The following SNX6 variants were observed in gnomAD, a reference collection of about 807,000 sequenced individuals.
The protein encoded by SNX6 is sorting nexin-6.
Under a neutral mutation model 63.0 loss-of-function variants are expected in SNX6, and 34 were observed. The observed-to-expected ratio is 0.54, with a 90% CI of 0.41 to 0.72. SNX6 has a LOEUF of 0.72. Ranked by LOEUF, SNX6 falls within the 30% of genes least tolerant of loss-of-function variation. The pLI is 0.00. For missense variants in SNX6, 398 were observed against 471.4 expected (o/e 0.84, Z 1.44); for synonymous variants, 170 against 164.2 (o/e 1.04, Z -0.27).
At chr14:34,605,344 C>G (rs1211604587) in intron 5 of SNX6, 1 of 246,772 alleles carries the variant, frequency 4.1e-6, no homozygotes, top group Admixed American at 5.6e-5. Flanking sequence ...TTGGATCTTC[C>G]ATTTTCAACT....
chr14:34,608,256 C>A (rs1304567188), intron 3 of SNX6, 116 bp from the exon 4 acceptor site: 7 of 534,236 alleles, frequency 1.3e-5, no homozygotes, highest in Non-Finnish European at 2.4e-5. Flanking sequence ...CGGCTCACTG[C>A]AGCCTCAACC....
chr14:34,608,145 A>G lies in SNX6; in HGVS notation c.160-5T>C, dbSNP rs1179475253. On this transcript the variant is annotated splice_region_variant and splice_polypyrimidine_tract_variant and intron_variant, in intron 3 of 13. Transcript: ENST00000362031. The stretch of plus-strand genomic sequence containing the variant: ...TTTAAAATTTGGCAATGAACTCTGT[A>G]AAGATAGAGATTTTCTTGAATAAAA... 6.7e-7 allele frequency: 1 copy of G among 1,502,960 alleles called. No individual in the cohort carries two copies. Among genetic ancestry groups the G allele is most frequent in the Admixed American group, 1.9e-5 (1 of 51,342 alleles). The allele number at this position is 1,502,960 out of a possible 1,614,324, so 93.1% of individuals were successfully genotyped here.
Position 34,586,286 on chromosome 14 carries a change from AT to A in SNX6, c.737del (p.Asn246IlefsTer10), listed in dbSNP as rs1399988759. 1 of 1,607,296 alleles carries A rather than the reference AT, an allele frequency of 6.2e-7. No individual in the cohort carries two copies. Among genetic ancestry groups the A allele is most frequent in the Non-Finnish European group, 8.5e-7 (1 of 1,174,216 alleles). ...RSHKSAADDY[N>X]RIGSSLYALG... ...AAGCATATAATGAAGAACCAATTCT[AT>A]TGTAATCATCTGCAGCACCTATGGA... is the stretch of plus-strand genomic sequence containing the variant. On this transcript the variant is annotated frameshift_variant, in exon 9 of 14. Coordinates refer to ENST00000362031, the MANE Select transcript of SNX6 (RefSeq NM_152233.4). LOFTEE classifies it high-confidence loss of function.
At chr14:34,578,966 A>AAAAAAG (rs1881828795) in intron 10 of SNX6, among the ~76,000 whole-genome samples, 1 of 138,438 alleles carries the variant, frequency 7.2e-6, no homozygotes, top group Non-Finnish European at 1.6e-5. Context: ...AAAAAAAAAA[A>AAAAAAG]GGTTAAACTA....
chr14:34,612,725 C>T (rs887176610), intron 2 of SNX6, among the ~76,000 whole-genome samples: 15 of 151,984 alleles, frequency 9.9e-5, no homozygotes, highest in African/African-American at 2.2e-4. Flanking sequence ...TGAGCCACCA[C>T]GCCGAGCCAG....
intron 8 of SNX6, 133 bp from the exon 9 acceptor site, chr14:34,586,438 G>A (rs917338916): frequency 4.3e-6 from 2 of 466,526 alleles, no homozygotes; most frequent in Admixed American, 3.6e-5. Flanking sequence ...CAGGCATGGT[G>A]GCTCATGCCT....
At chr14:34,588,806 A>G (rs944874955) in intron 8 of SNX6, among the ~76,000 whole-genome samples, 14 of 152,308 alleles carry the variant, frequency 9.2e-5, no homozygotes, top group African/African-American at 3.4e-4. Flanking sequence ...GTGTTGAAAA[A>G]GACAGCTGAT....
chr14:34,569,976 G>C (rs1290695682), intron 11 of SNX6, among the ~76,000 whole-genome samples: 1 of 152,014 alleles, frequency 6.6e-6, no homozygotes, highest in Non-Finnish European at 1.5e-5. Context: ...CATAGTGGCT[G>C]AACATTTTAC....
intron 2 of SNX6, among the ~76,000 whole-genome samples, chr14:34,611,512 G>A (rs1883227626): frequency 6.6e-6 from 1 of 151,202 alleles, no homozygotes; most frequent in Non-Finnish European, 1.5e-5. Flanking sequence ...GGCCGGGTGT[G>A]GTGGCTCACA....
At chr14:34,576,302 T>C (rs1881698665) in intron 10 of SNX6, among the ~76,000 whole-genome samples, 2 of 151,996 alleles carry the variant, frequency 1.3e-5, no homozygotes, top group African/African-American at 4.8e-5. Flanking sequence ...GTTTTAACTA[T>C]AGTATCCATT....
intron 8 of SNX6, among the ~76,000 whole-genome samples, chr14:34,591,272 T>C (rs1246637143): frequency 1.3e-5 from 2 of 151,940 alleles, no homozygotes; most frequent in Non-Finnish European, 2.9e-5. Flanking sequence ...CTTTGAGTGG[T>C]TCTTTTACAT....
intron 2 of SNX6, among the ~76,000 whole-genome samples, chr14:34,622,698 G>A (rs1046897250): frequency 6.6e-6 from 1 of 152,090 alleles, no homozygotes; most frequent in Non-Finnish European, 1.5e-5. Context: ...AAGTGCTCTA[G>A]GAGGAACCAA....
chr14:34,602,721 A>G (rs150082918), intron 6 of SNX6, among the ~76,000 whole-genome samples: 218 of 152,298 alleles, frequency 1.4e-3, no homozygotes, highest in African/African-American at 4.8e-3. Flanking sequence ...TTATGCCTGT[A>G]ATCCCAGCAC....
intron 2 of SNX6, among the ~76,000 whole-genome samples, chr14:34,623,304 C>CA: frequency 6.6e-6 from 1 of 152,054 alleles, no homozygotes; most frequent in East Asian, 1.9e-4. Context: ...ATGCATAAAA[C>CA]AGACAGTCAA....
At chr14:34,581,668 T>A (rs573227045) in intron 9 of SNX6, 68 bp from the exon 10 acceptor site, 2 of 966,302 alleles carry the variant, frequency 2.1e-6, no homozygotes, top group South Asian at 2.8e-5. Flanking sequence ...TGTATGAGAA[T>A]ATGCTCCCAA....
intron 10 of SNX6, among the ~76,000 whole-genome samples, chr14:34,579,668 A>G (rs1346302325): frequency 1.3e-5 from 2 of 152,018 alleles, no homozygotes; most frequent in Non-Finnish European, 2.9e-5. Context: ...TCCTATGAAT[A>G]TAATGTTGAG....
At chr14:34,596,349 A>C (rs553023754) in intron 7 of SNX6, among the ~76,000 whole-genome samples, 59 of 149,852 alleles carry the variant, frequency 3.9e-4, no homozygotes, top group African/African-American at 1.4e-3. Context: ...GGCTGGGCGC[A>C]GTGGTTCACA....
intron 4 of SNX6, among the ~76,000 whole-genome samples, chr14:34,607,000 G>C (rs1223293094): frequency 6.9e-6 from 1 of 145,736 alleles, no homozygotes. Context: ...GGCTGGTCTT[G>C]AACTCCTGAC....
chr14:34,569,960 G>T (rs1379726076), intron 11 of SNX6, among the ~76,000 whole-genome samples: 1 of 152,062 alleles, frequency 6.6e-6, no homozygotes, highest in African/African-American at 2.4e-5. Flanking sequence ...CTGCCATATG[G>T]TTTTCCATAG....
Sources: allele counts gnomAD v4.1 joint callset (sites outside exome capture counted in the v4.1 genomes callset), GRCh38; gene constraint gnomAD v4.1.1; transcripts MANE v1.5; gene names NCBI Gene and HGNC (gene_info 2026-07-23, HGNC 2026-07-21).